The following CNTN4 variants were observed in gnomAD, a reference collection of about 807,000 sequenced individuals.
CNTN4 encodes contactin 4.
A neutral mutation model predicts 122.5 loss-of-function variants in CNTN4; 77 were observed. The observed-to-expected ratio is 0.63, with a 90% CI of 0.52 to 0.76. CNTN4 has a LOEUF of 0.76. Ranked by LOEUF, CNTN4 falls within the 30% of genes least tolerant of loss-of-function variation. The pLI is 0.00. For missense variants in CNTN4, 1,256 were observed against 1,259.1 expected (o/e 1.00, Z 0.04); for synonymous variants, 512 against 447.0 (o/e 1.15, Z -1.83).
intron 2 of CNTN4, among the ~76,000 whole-genome samples, chr3:2,203,070 G>T (rs1350543615): frequency 6.6e-6 from 1 of 151,606 alleles, no homozygotes; most frequent in Non-Finnish European, 1.5e-5. Flanking sequence ...CTGACCTCAA[G>T]TTGTCTGCCC....
chr3:2,302,905 A>G (rs1431909506), intron 2 of CNTN4, among the ~76,000 whole-genome samples: 3 of 152,228 alleles, frequency 2.0e-5, no homozygotes, highest in African/African-American at 7.2e-5. Flanking sequence ...TGAAATTTCA[A>G]AAACCATGAG....
At chr3:2,121,934 G>T (rs536614189) in intron 2 of CNTN4, among the ~76,000 whole-genome samples, 1 of 152,148 alleles carries the variant, frequency 6.6e-6, no homozygotes, top group African/African-American at 2.4e-5. Context: ...GGGAGGCCGA[G>T]GTGGGCGGAT....
intron 6 of CNTN4, among the ~76,000 whole-genome samples, chr3:2,750,462 G>C (rs562685205): frequency 6.6e-6 from 1 of 152,146 alleles, no homozygotes; most frequent in Non-Finnish European, 1.5e-5. Context: ...GCTAACTAGA[G>C]ATGAGACCAC....
intron 10 of CNTN4, among the ~76,000 whole-genome samples, chr3:2,899,180 C>T (rs1023038873): frequency 1.3e-5 from 2 of 152,160 alleles, no homozygotes; most frequent in Non-Finnish European, 2.9e-5. Flanking sequence ...CTAGAGACCT[C>T]TGCTGGTTAA....
chr3:2,813,694 A>G (rs930025390), intron 6 of CNTN4, among the ~76,000 whole-genome samples: 10 of 152,092 alleles, frequency 6.6e-5, no homozygotes, highest in African/African-American at 2.4e-4. Flanking sequence ...ATTTACTGTT[A>G]TTACTTCTCA....
intron 4 of CNTN4, among the ~76,000 whole-genome samples, chr3:2,631,046 C>G (rs2082408827): frequency 1.3e-5 from 2 of 152,134 alleles, no homozygotes; most frequent in South Asian, 4.1e-4. Flanking sequence ...TATTATAAGG[C>G]AAAATCTCTC....
chr3:2,561,073 A>G (rs896003191), intron 3 of CNTN4, among the ~76,000 whole-genome samples: 4 of 152,132 alleles, frequency 2.6e-5, no homozygotes, highest in African/African-American at 7.2e-5. Context: ...TTACTTCCCC[A>G]CTAAGTGTAT....
At chr3:2,148,026 G>C (rs529261852) in intron 2 of CNTN4, among the ~76,000 whole-genome samples, 15 of 152,140 alleles carry the variant, frequency 9.9e-5, no homozygotes, top group African/African-American at 3.4e-4. Flanking sequence ...TCTGAAGCTG[G>C]CTCCTAGTGC....
intron 2 of CNTN4, among the ~76,000 whole-genome samples, chr3:2,183,903 A>G (rs1051762894): frequency 6.6e-6 from 1 of 152,216 alleles, no homozygotes; most frequent in African/African-American, 2.4e-5. Flanking sequence ...ATATTTTTGG[A>G]TAGGATAACA....
In CNTN4 at chr3:2,149,862, C is replaced by T. The variant is rs112866020; in HGVS notation, c.-145+49223C>T. 1.6e-3 allele frequency among the ~76,000 whole-genome samples: 239 copies of T among 151,856 alleles called. 1 individual carries two copies. Among genetic ancestry groups the T allele is most frequent in the African/African-American group, 5.6e-3 (231 of 41,374 alleles). On this transcript the variant is annotated intron_variant, in intron 2 of 24. Coordinates refer to ENST00000418658, the MANE Select transcript of CNTN4 (RefSeq NM_175607.3). ...GTGTATTTTCACTTCCTCATACTGA[C>T]AACATAACCAGAGGCCTGACCAATG...
At chr3:2,916,107 A>G (rs754430108) in intron 12 of CNTN4, among the ~76,000 whole-genome samples, 3 of 152,264 alleles carry the variant, frequency 2.0e-5, no homozygotes. Context: ...GAGTTGCACA[A>G]AAGTGTGCAT....
At chr3:2,670,870 T>C (rs553207633) in intron 4 of CNTN4, among the ~76,000 whole-genome samples, 3 of 152,342 alleles carry the variant, frequency 2.0e-5, no homozygotes, top group African/African-American at 7.2e-5. Flanking sequence ...TTTGGCTGGA[T>C]ATGAAATTCT....
chr3:2,356,062 C>T lies in CNTN4; in HGVS notation c.-89+16829C>T, dbSNP rs11920880. On this transcript the variant is annotated intron_variant, in intron 3 of 24. Coordinates refer to ENST00000418658, the MANE Select transcript of CNTN4 (RefSeq NM_175607.3). ...TGCTAATCTTGTATCAAAGAGAATC[C>T]AATACAGGTATTGGTGTTTCCACTT... Among the ~76,000 whole-genome samples the T allele has an allele frequency of 4.7e-3, 721 of 152,128 alleles. 11 individuals are homozygous for T. Among genetic ancestry groups the T allele is most frequent in the African/African-American group, 0.017 (690 of 41,488 alleles).
intron 2 of CNTN4, among the ~76,000 whole-genome samples, chr3:2,156,622 T>A (rs1023859012): frequency 1.3e-5 from 2 of 152,140 alleles, no homozygotes; most frequent in African/African-American, 2.4e-5. Context: ...GTCTGTAAGA[T>A]CCGTTGTAGA....
chr3:3,034,329 T>G (rs1032797243), intron 16 of CNTN4, among the ~76,000 whole-genome samples: 2 of 152,230 alleles, frequency 1.3e-5, no homozygotes, highest in African/African-American at 4.8e-5. Flanking sequence ...TGTGGGCTCT[T>G]ATGGTACCCC....
chr3:2,413,080 A>C (rs2047285948), intron 3 of CNTN4, among the ~76,000 whole-genome samples: 1 of 152,192 alleles, frequency 6.6e-6, no homozygotes, highest in South Asian at 2.1e-4. Context: ...ATGATTCTAC[A>C]TACATATGCA....
intron 2 of CNTN4, among the ~76,000 whole-genome samples, chr3:2,315,897 A>G (rs56035150): frequency 0.059 from 8,987 of 152,176 alleles, 278 homozygotes; most frequent in East Asian, 0.1. Flanking sequence ...TTGAACATAT[A>G]TATGACCTTT....
chr3:2,906,408 C>T (rs1227527146), intron 12 of CNTN4, among the ~76,000 whole-genome samples: 5 of 151,834 alleles, frequency 3.3e-5, no homozygotes, highest in Non-Finnish European at 5.9e-5. Flanking sequence ...CATTCTACAA[C>T]GTATATAAAT....
intron 3 of CNTN4, among the ~76,000 whole-genome samples, chr3:2,399,818 T>G (rs2046774762): frequency 6.6e-6 from 1 of 152,090 alleles, no homozygotes; most frequent in South Asian, 2.1e-4. Context: ...TAAATGTATA[T>G]TTATATCAAT....
Sources: gnomAD v4.1 joint callset for allele counts (sites outside exome capture counted in the v4.1 genomes callset) on GRCh38, gnomAD v4.1.1 for gene constraint, MANE v1.5 for transcripts, NCBI Gene and HGNC (gene_info 2026-07-23, HGNC 2026-07-21) for gene names.